ITGA8: variants seen among roughly 807,000 people sequenced by gnomAD.
ITGA8 encodes the protein integrin alpha-8.
In ITGA8, 91 loss-of-function variants were observed where a neutral mutation model predicts 142.3. That is an observed-to-expected ratio of 0.64 (90% CI 0.54 to 0.76). The LOEUF (loss-of-function observed/expected upper bound fraction) is 0.76. ITGA8 is among the 30% of genes least tolerant of loss of function. The probability of loss-of-function intolerance (pLI) is 0.00; values close to 1 mark genes in which losing one functional copy is unlikely to be tolerated. For missense variants in ITGA8, 1,406 were observed against 1,327.7 expected (o/e 1.06, Z -0.92); for synonymous variants, 505 against 485.2 (o/e 1.04, Z -0.54).
At chr10:15,565,119 G>T (rs1169293738) in intron 25 of ITGA8, among the ~76,000 whole-genome samples, 1 of 152,188 alleles carries the variant, frequency 6.6e-6, no homozygotes, top group Admixed American at 6.5e-5. Context: ...ATCTCAGACT[G>T]TGTAATTCTT....
chr10:15,578,946 A>C (rs1834351059), intron 23 of ITGA8, among the ~76,000 whole-genome samples: 1 of 152,148 alleles, frequency 6.6e-6, no homozygotes, highest in South Asian at 2.1e-4. Context: ...AACAATTCTC[A>C]GTATTTTTTC....
Position 15,607,705 on chromosome 10 carries a change from T to G in ITGA8, c.1736A>C (p.Gln579Pro). The G allele has an allele frequency of 6.2e-7, 1 of 1,613,944 alleles. No homozygotes were observed. The highest frequency in any genetic ancestry group is 2.2e-5 in the East Asian group (1 of 44,868). Residue 579 changes from glutamine (Q) to proline (P), a missense_variant, in exon 17 of 30, where the codon CAG (glutamine) becomes CCG (proline). Coordinates refer to ENST00000378076, the MANE Select transcript of ITGA8 (RefSeq NM_003638.3). ...PLVIKRQKSH[Q>P]CQDFIVYLRD... ...AAGGTAAACGATGAAATCCTGGCAC[T>G]GGTGGGATTTCTGCCTTTTTATCAC... is the stretch of plus-strand genomic sequence containing the variant.
intron 2 of ITGA8, among the ~76,000 whole-genome samples, chr10:15,718,355 C>T (rs867392896): frequency 2.6e-5 from 4 of 152,140 alleles, no homozygotes; most frequent in Admixed American, 1.3e-4. Flanking sequence ...TCCTGCCTCC[C>T]GAGCTTGGGC....
At chr10:15,623,641 G>T (rs1432904320) in intron 13 of ITGA8, among the ~76,000 whole-genome samples, 2 of 152,166 alleles carry the variant, frequency 1.3e-5, no homozygotes, top group Non-Finnish European at 2.9e-5. Context: ...AGCCGAGACT[G>T]CAGCACTGCA....
At chr10:15,549,201 G>T (rs369186573) in intron 26 of ITGA8, among the ~76,000 whole-genome samples, 96 of 107,294 alleles carry the variant, frequency 8.9e-4, no homozygotes, top group African/African-American at 2.0e-3. Context: ...TTTCTTTTCT[G>T]TTTTTTTTTT....
intron 13 of ITGA8, among the ~76,000 whole-genome samples, chr10:15,636,812 G>C (rs1333432875): frequency 6.6e-6 from 1 of 152,180 alleles, no homozygotes; most frequent in Non-Finnish European, 1.5e-5. Context: ...CGAGGGAGCA[G>C]CGTGTTCCTT....
At chr10:15,667,209 C>G (rs540069796) in intron 8 of ITGA8, among the ~76,000 whole-genome samples, 13 of 152,258 alleles carry the variant, frequency 8.5e-5, no homozygotes, top group African/African-American at 3.1e-4. Context: ...TGTTATTGGT[C>G]TATTCAGAGA....
chr10:15,683,308 C>CCCAT (rs1834775389), intron 4 of ITGA8, among the ~76,000 whole-genome samples: 3 of 5,632 alleles, frequency 5.3e-4, no homozygotes, highest in Non-Finnish European at 2.0e-3. Context: ...CATCCACCCA[C>CCCAT]CCACCCACCC....
At position 15,634,619 on chromosome 10, in the gene ITGA8, A is replaced by G. The variant is rs1833739637; in HGVS notation, c.1399+9411T>C. Among the ~76,000 whole-genome samples the G allele has an allele frequency of 2.0e-5, 3 of 152,206 alleles. No homozygotes were observed. The South Asian group carries it at 6.2e-4, about 31-fold the overall frequency. ...CAGGCACATGGAAGTCACTCAACAC[A>G]TACTTGCTGGGTATATGGATAACAA... On this transcript the variant is annotated intron_variant, in intron 13 of 29. Coordinates refer to ENST00000378076, the MANE Select transcript of ITGA8 (RefSeq NM_003638.3).
chr10:15,548,098 A>ATTTTTTTTT (rs1213511861), intron 27 of ITGA8, among the ~76,000 whole-genome samples: 5,051 of 147,120 alleles, frequency 0.034, 317 homozygotes, highest in African/African-American at 0.12. Context: ...TCAAGTTTTA[A>ATTTTTTTTT]TTTTTTTTTT....
intron 8 of ITGA8, among the ~76,000 whole-genome samples, chr10:15,668,091 T>G (rs1442344497): frequency 6.6e-6 from 1 of 151,878 alleles, no homozygotes; most frequent in African/African-American, 2.4e-5. Context: ...TTTCTGTCTA[T>G]TTGATCTGTC....
At chr10:15,683,130 A>T (rs923273926) in intron 4 of ITGA8, among the ~76,000 whole-genome samples, 5 of 152,142 alleles carry the variant, frequency 3.3e-5, no homozygotes, top group African/African-American at 1.2e-4. Context: ...TTTCTACTAC[A>T]TTTTCCCTCC....
intron 2 of ITGA8, among the ~76,000 whole-genome samples, chr10:15,709,108 G>A (rs954587874): frequency 3.3e-5 from 5 of 152,206 alleles, no homozygotes; most frequent in Admixed American, 3.3e-4. Context: ...AATTCTTAGT[G>A]CCTTTTCTAA....
chr10:15,649,454 C>T (rs373724065), intron 11 of ITGA8, among the ~76,000 whole-genome samples: 48 of 151,400 alleles, frequency 3.2e-4, no homozygotes, highest in Admixed American at 8.6e-4. Flanking sequence ...TATGGTGAAA[C>T]GCCTGTCTCT....
Position 15,558,087 on chromosome 10 carries a change from G to A in ITGA8, c.2753C>T (p.Pro918Leu). The change falls in exon 26 of 30, where the codon CCT becomes CTT. Residue 918 changes from proline to leucine, a missense_variant. Pro to Leu is a moderately conservative substitution (Grantham distance 98). Transcript: ENST00000378076. Reference protein sequence around the residue: ...VHVVEFHRQSPAKILNCTNIE... With the variant: ...VHVVEFHRQSLAKILNCTNIE... ...GGGATAACTCACCAGTATTTTTGCA[G>A]GGCTCTGTCTGTGGAATTCGACCAC... 6.2e-7 allele frequency: 1 copy of A among 1,614,020 alleles called. No homozygotes were observed. Among genetic ancestry groups the A allele is most frequent in the Non-Finnish European group, 8.5e-7 (1 of 1,180,036 alleles).
chr10:15,552,389 C>T (rs1248551766), intron 26 of ITGA8, among the ~76,000 whole-genome samples: 3 of 152,162 alleles, frequency 2.0e-5, no homozygotes, highest in African/African-American at 4.8e-5. Flanking sequence ...CCACCCGCCT[C>T]GGCCTCCCAC....
At chr10:15,668,687 C>T (rs1272310613) in intron 8 of ITGA8, among the ~76,000 whole-genome samples, 1 of 151,984 alleles carries the variant, frequency 6.6e-6, no homozygotes, top group Admixed American at 6.6e-5. Flanking sequence ...TTAGTGCTTC[C>T]TTCAGGAGCT....
At chr10:15,536,365 G>A (rs141800686) in intron 27 of ITGA8, among the ~76,000 whole-genome samples, 133 of 152,272 alleles carry the variant, frequency 8.7e-4, no homozygotes, top group Middle Eastern at 3.4e-3. Context: ...TGGTTTATTA[G>A]ACTGATCAGC....
intron 2 of ITGA8, among the ~76,000 whole-genome samples, chr10:15,704,920 T>C (rs549024219): frequency 1.3e-5 from 2 of 152,328 alleles, no homozygotes; most frequent in African/African-American, 4.8e-5. Context: ...TCTAAGAATC[T>C]CATGCCTGCT....
Sources: allele counts gnomAD v4.1 joint callset (sites outside exome capture counted in the v4.1 genomes callset), GRCh38; gene constraint gnomAD v4.1.1; transcripts MANE v1.5; gene names NCBI Gene and HGNC (gene_info 2026-07-23, HGNC 2026-07-21).